Variants in CAMSAP1 observed in about 807,000 individuals in gnomAD.
The protein encoded by CAMSAP1 is calmodulin-regulated spectrin-associated protein 1.
Under a neutral mutation model 143.5 loss-of-function variants are expected in CAMSAP1, and 58 were observed. The observed-to-expected ratio is 0.40, with a 90% confidence interval of 0.33 to 0.50. The LOEUF (loss-of-function observed/expected upper bound fraction) is 0.50. Ranked by LOEUF, CAMSAP1 falls within the 20% of genes least tolerant of loss-of-function variation. The pLI is 0.45. For missense variants in CAMSAP1, 1,969 were observed against 2,115.7 expected (o/e 0.93, Z 1.36); for synonymous variants, 945 against 859.3 (o/e 1.10, Z -1.74).
chr9:135,823,316 A>T, intron 10 of CAMSAP1, 56 bp from the exon 11 acceptor site: 1 of 1,504,672 alleles, frequency 6.6e-7, no homozygotes, highest in Non-Finnish European at 8.9e-7. Context: ...AAGACCCCCA[A>T]CATGGACCAG....
rs1458028057 is a variant in CAMSAP1, at chr9:135,808,585, G to A, written c.*2724C>T. On this transcript the variant is annotated 3_prime_UTR_variant, in exon 17 of 17. Coordinates refer to ENST00000389532, the MANE Select transcript of CAMSAP1 (RefSeq NM_015447.4). ...AAAAGTATAACCTAGAAGTAATTTA[G>A]AATTATTCCACTTTTCAATTTTGCC... The A allele has an allele frequency of 6.6e-6, 1 of 152,176 alleles. No individual in the cohort carries two copies. The highest frequency in any genetic ancestry group is 1.5e-5 in the Non-Finnish European group (1 of 68,044). The allele number at this position is 152,176 out of a possible 1,614,324, so 9.4% of individuals were successfully genotyped here.
Position 135,811,108 on chromosome 9 carries a change from C to T in CAMSAP1, c.*201G>A, listed in dbSNP as rs1835034704. On this transcript the variant is annotated 3_prime_UTR_variant, in exon 17 of 17. Coordinates refer to ENST00000389532, the MANE Select transcript of CAMSAP1 (RefSeq NM_015447.4). The surrounding 1 kb of genome is among the most constrained non-coding windows in gnomAD (Gnocchi z 4.9). ...CCCCCATCCTCACCCTGCCTGGCAT[C>T]CTCTGCGTGAGATGAGCGCTGAGAG... 1 of 638,980 alleles carries T rather than the reference C, an allele frequency of 1.6e-6. No individual in the cohort carries two copies. The highest frequency in any genetic ancestry group is 3.0e-5 in the Admixed American group (1 of 33,384). The allele number at this position is 638,980 out of a possible 1,614,324, so 39.6% of individuals were successfully genotyped here.
Position 135,811,305 on chromosome 9 carries a change from G to T in CAMSAP1, c.*4C>A. 1.2e-6 allele frequency: 2 copies of T among 1,610,592 alleles called. No homozygotes were observed. Among genetic ancestry groups the T allele is most frequent in the Non-Finnish European group, 1.7e-6 (2 of 1,177,918 alleles). On this transcript the variant is annotated 3_prime_UTR_variant, in exon 17 of 17. Coordinates refer to ENST00000389532, the MANE Select transcript of CAMSAP1 (RefSeq NM_015447.4). This position sits in a 1 kb window ranked among gnomAD's most constrained non-coding sequence, Gnocchi z 4.9. Reference sequence around the variant, plus strand: ...TCACCCTTTGGACGCCAGCTGCACCGGGGTCATTTACGAGTCTGGGCCTTC... The same window carrying T: ...TCACCCTTTGGACGCCAGCTGCACCTGGGTCATTTACGAGTCTGGGCCTTC...
chr9:135,900,464 T>C (rs1372400903), intron 1 of CAMSAP1, among the ~76,000 whole-genome samples: 6 of 151,848 alleles, frequency 4.0e-5, no homozygotes, highest in Admixed American at 1.3e-4. Flanking sequence ...GAGGCTGAGG[T>C]GGGCAGATCA....
In CAMSAP1 at chr9:135,808,967, C is replaced by T. The variant is rs1418489351; in HGVS notation, c.*2342G>A. On this transcript the variant is annotated 3_prime_UTR_variant, in exon 17 of 17. Transcript: ENST00000389532. ...ATAACAAGGTTAGAATTCTGAGACA[C>T]AACGAAAGTTGTGCAAGCTTTCCGC... is the stretch of plus-strand genomic sequence containing the variant. 3 of 152,188 alleles carry T rather than the reference C, an allele frequency of 2.0e-5. No individual in the cohort carries two copies. The highest frequency in any genetic ancestry group is 4.4e-5 in the Non-Finnish European group (3 of 68,044). The allele number at this position is 152,188 out of a possible 1,614,324, so 9.4% of individuals were successfully genotyped here. A position where few individuals can be genotyped will look rare whatever the true frequency, so the allele number is the denominator to read the frequency against.
rs368457666 is a variant in CAMSAP1, at chr9:135,855,827, C to T, written c.809-5366G>A. Among the ~76,000 whole-genome samples, 968 of 149,158 alleles carry T rather than the reference C, an allele frequency of 6.5e-3. 3 individuals are homozygous for T. Among genetic ancestry groups the T allele is most frequent in the African/African-American group, 0.022 (890 of 40,294 alleles). On this transcript the variant is annotated intron_variant, in intron 5 of 16. Coordinates refer to ENST00000389532, the MANE Select transcript of CAMSAP1 (RefSeq NM_015447.4). ...CAGCACTTTGGGAGGCCGAGGCGGG[C>T]GGATCACAAGGTCAGGAGATCAAGA...
intron 7 of CAMSAP1, among the ~76,000 whole-genome samples, chr9:135,844,651 A>G (rs1359946181): frequency 1.3e-5 from 2 of 152,320 alleles, no homozygotes; most frequent in East Asian, 1.9e-4. Context: ...AGAGAGAAGA[A>G]TCAAATAGAC....
At chr9:135,878,359 G>A (rs1476871312) in intron 3 of CAMSAP1, among the ~76,000 whole-genome samples, 2 of 150,608 alleles carry the variant, frequency 1.3e-5, no homozygotes, top group African/African-American at 2.5e-5. Context: ...CACAGATGCT[G>A]CAGAGGACGA....
At position 135,823,243 on chromosome 9, in the gene CAMSAP1, G is replaced by A. The variant is rs997334951; in HGVS notation, c.1418C>T (p.Thr473Ile). ...CGCAGCGTGATGTAGAGCAAAAGGT[G>A]TTGGCTGGGACGCAGGCCTGAAACA... is the stretch of plus-strand genomic sequence containing the variant. ...EKKTRPASQP[T>I]PFALHHAASC... The change falls in exon 11 of 17, where the codon ACA becomes ATA. Residue 473 changes from threonine to isoleucine, a missense_variant. By Grantham distance (89) the Thr-to-Ile change is moderately conservative. This residue lies in a region of CAMSAP1 where 1,390 missense variants were observed against 1,420.8 expected (regional missense o/e 0.98). Coordinates refer to ENST00000389532, the MANE Select transcript of CAMSAP1 (RefSeq NM_015447.4). 2.6e-6 allele frequency: 4 copies of A among 1,553,704 alleles called. No homozygotes were observed. The African/African-American group carries it at 4.1e-5, about 16-fold the overall frequency.
chr9:135,869,619 A>G (rs1837502587), intron 3 of CAMSAP1, among the ~76,000 whole-genome samples: 1 of 152,198 alleles, frequency 6.6e-6, no homozygotes. Context: ...TGTGGAAGAC[A>G]GTCTGGAAGT....
At chr9:135,875,723 C>T (rs552858042) in intron 3 of CAMSAP1, among the ~76,000 whole-genome samples, 2 of 152,210 alleles carry the variant, frequency 1.3e-5, no homozygotes, top group Admixed American at 1.3e-4. Flanking sequence ...TTCAGAACTG[C>T]TATCTATATG....
chr9:135,885,872 A>C (rs1292858591), intron 1 of CAMSAP1, among the ~76,000 whole-genome samples: 5 of 152,154 alleles, frequency 3.3e-5, no homozygotes, highest in African/African-American at 1.2e-4. Context: ...ATCCGGCCTA[A>C]GGAAGACCCT....
intron 3 of CAMSAP1, among the ~76,000 whole-genome samples, chr9:135,877,325 G>A (rs141250874): frequency 8.5e-4 from 129 of 152,076 alleles, no homozygotes; most frequent in Non-Finnish European, 1.6e-3. Flanking sequence ...CAGATGAGTA[G>A]TTACCTGCAT....
intron 7 of CAMSAP1, among the ~76,000 whole-genome samples, chr9:135,833,437 T>A (rs1423798931): frequency 6.6e-6 from 1 of 152,188 alleles, no homozygotes; most frequent in Non-Finnish European, 1.5e-5. Context: ...GATTTCAAAT[T>A]ATACTACAAA....
Position 135,818,179 on chromosome 9 carries a change from G to T in CAMSAP1, c.4169-100C>A. 1 of 1,304,730 alleles carries T rather than the reference G, an allele frequency of 7.7e-7. No homozygotes were observed. Among genetic ancestry groups the T allele is most frequent in the Non-Finnish European group, 1.1e-6 (1 of 936,550 alleles). The allele number at this position is 1,304,730 out of a possible 1,614,324, so 80.8% of individuals were successfully genotyped here. ...CCCTCACCTCGCCCTGCAGAGCTCG[G>T]CCACACAGGCCGCGTCCCCACCCCA... On this transcript the variant is annotated intron_variant, in intron 13 of 16. Coordinates refer to ENST00000389532, the MANE Select transcript of CAMSAP1 (RefSeq NM_015447.4). This position sits in a 1 kb window ranked among gnomAD's most constrained non-coding sequence, Gnocchi z 7.7.
At chr9:135,858,653 G>A (rs1324472100) in intron 5 of CAMSAP1, among the ~76,000 whole-genome samples, 1 of 152,226 alleles carries the variant, frequency 6.6e-6, no homozygotes, top group Non-Finnish European at 1.5e-5. Context: ...TGATCACAAA[G>A]ACAGAGAAAT....
chr9:135,873,608 C>T (rs565638503), intron 3 of CAMSAP1, among the ~76,000 whole-genome samples: 9 of 152,092 alleles, frequency 5.9e-5, no homozygotes, highest in East Asian at 5.8e-4. Context: ...CACTACAGAT[C>T]GCAGGTATAT....
intron 1 of CAMSAP1, among the ~76,000 whole-genome samples, chr9:135,887,245 A>C (rs758750178): frequency 3.9e-5 from 6 of 152,174 alleles, no homozygotes; most frequent in African/African-American, 7.2e-5. Flanking sequence ...GCGGGGCCAG[A>C]ACATGGTGCT....
chr9:135,835,130 G>C (rs538068676), intron 7 of CAMSAP1, among the ~76,000 whole-genome samples: 9 of 152,040 alleles, frequency 5.9e-5, no homozygotes, highest in Non-Finnish European at 1.3e-4. Flanking sequence ...CACAGGATTT[G>C]GCAGGAATTG....
Sources: gnomAD v4.1 joint callset for allele counts (sites outside exome capture counted in the v4.1 genomes callset) on GRCh38, gnomAD v4.1.1 for gene constraint, gnomAD v4.1.1 regional missense constraint, Gnocchi (gnomAD v3.1) non-coding constraint, MANE v1.5 for transcripts, NCBI Gene and HGNC (gene_info 2026-07-23, HGNC 2026-07-21) for gene names.